Variants in TMTC1 observed in about 807,000 individuals in gnomAD.
TMTC1 encodes transmembrane O-mannosyltransferase targeting cadherins 1, also known as protein O-mannosyl-transferase TMTC1.
A neutral mutation model predicts 104.8 loss-of-function variants in TMTC1; 73 were observed. The observed-to-expected ratio is 0.70, with a 90% CI of 0.58 to 0.85. The LOEUF (loss-of-function observed/expected upper bound fraction) is 0.85. Among genes scored for constraint, TMTC1 ranks in the 40% least tolerant of loss-of-function variants. TMTC1 has a pLI of 0.00. For synonymous variants in TMTC1, 434 were observed against 428.7 expected (o/e 1.01, Z -0.15); for missense variants, 1,035 against 1,096.1 (o/e 0.94, Z 0.79).
At position 29,693,158 on chromosome 12, in the gene TMTC1, G is replaced by A. The variant is rs957461423; in HGVS notation, c.938+58508C>T. Among the ~76,000 whole-genome samples the A allele has an allele frequency of 3.5e-5, 5 of 144,358 alleles. 2 individuals are homozygous for A. The highest frequency in any genetic ancestry group is 7.6e-5 in the Non-Finnish European group (5 of 66,006). 94.7% of individuals were successfully genotyped at this position (144,358 alleles called of 152,430 possible). ...TTATAAATATTTATGAGGTACAGAG[G>A]GATATTTAAATACATACGATGTGTA... On this transcript the variant is annotated intron_variant, in intron 5 of 17. Coordinates refer to ENST00000539277, the MANE Select transcript of TMTC1 (RefSeq NM_001193451.2).
chr12:29,520,751 T>C (rs773455588), intron 11 of TMTC1, 31 bp from the exon 12 acceptor site: 10 of 1,559,408 alleles, frequency 6.4e-6, no homozygotes, highest in Non-Finnish European at 8.7e-6. Context: ...ACAAAATAAG[T>C]GAGAAAGCTT....
chr12:29,664,477 CCT>C (rs1158278030), intron 5 of TMTC1, among the ~76,000 whole-genome samples: 9 of 152,078 alleles, frequency 5.9e-5, no homozygotes, highest in Non-Finnish European at 1.3e-4. Context: ...TTCCTCTTCC[CCT>C]ACCCACACCA....
intron 5 of TMTC1, among the ~76,000 whole-genome samples, chr12:29,676,844 C>T (rs181832412): frequency 9.4e-4 from 143 of 152,302 alleles, no homozygotes; most frequent in African/African-American, 3.2e-3. Flanking sequence ...GAAGCCAGGC[C>T]ATATCAGTGT....
intron 5 of TMTC1, chr12:29,661,353 A>C: frequency 4.1e-6 from 4 of 980,732 alleles, no homozygotes; most frequent in Non-Finnish European, 4.8e-6. Context: ...TCTTCCATCC[A>C]CAAAATACCT....
intron 5 of TMTC1, among the ~76,000 whole-genome samples, chr12:29,733,052 A>G (rs910183370): frequency 7.2e-5 from 11 of 152,318 alleles, no homozygotes; most frequent in African/African-American, 2.6e-4. Context: ...AAAGACCTGG[A>G]TTCAAATAGT....
At chr12:29,752,383 A>G (rs1943113360) in intron 4 of TMTC1, among the ~76,000 whole-genome samples, 2 of 152,182 alleles carry the variant, frequency 1.3e-5, no homozygotes, top group South Asian at 4.1e-4. Flanking sequence ...TGATACTACC[A>G]AGGGATGATC....
intron 9 of TMTC1, among the ~76,000 whole-genome samples, chr12:29,569,228 A>G (rs538218337): frequency 6.6e-6 from 1 of 152,310 alleles, no homozygotes; most frequent in South Asian, 2.1e-4. Flanking sequence ...AAAATAAAAA[A>G]ATTTAAAAGA....
chr12:29,554,834 G>A (rs1794831006), intron 10 of TMTC1, among the ~76,000 whole-genome samples: 2 of 152,160 alleles, frequency 1.3e-5, no homozygotes, highest in African/African-American at 4.8e-5. Flanking sequence ...GAATGAGCAA[G>A]ACTCTGTCTC....
rs1246298852 is a variant in TMTC1, at chr12:29,716,947, G to A, written c.938+34719C>T. Among the ~76,000 whole-genome samples the A allele has an allele frequency of 2.6e-5, 4 of 152,106 alleles. No individual in the cohort carries two copies. In the East Asian group the frequency reaches 5.8e-4, roughly 22 times the overall value. On this transcript the variant is annotated intron_variant, in intron 5 of 17. Transcript: ENST00000539277. ...GGAGAATGGCGTGAACCTGGGAGGT[G>A]GAGCTTGCAGTGAGCCGAGATCGAG... is the stretch of plus-strand genomic sequence containing the variant.
intron 5 of TMTC1, among the ~76,000 whole-genome samples, chr12:29,700,657 C>G (rs1941562435): frequency 6.6e-6 from 1 of 152,050 alleles, no homozygotes; most frequent in Non-Finnish European, 1.5e-5. Flanking sequence ...AACATAGCAC[C>G]CTATTCATAG....
At chr12:29,780,316 A>C (rs542254271) in intron 1 of TMTC1, among the ~76,000 whole-genome samples, 4 of 152,270 alleles carry the variant, frequency 2.6e-5, no homozygotes, top group Non-Finnish European at 5.9e-5. Context: ...CTCAGCAATA[A>C]AAAGGAACAA....
intron 5 of TMTC1, among the ~76,000 whole-genome samples, chr12:29,690,526 G>A (rs59978597): frequency 0.017 from 2,539 of 152,270 alleles, 43 homozygotes; most frequent in African/African-American, 0.042. Context: ...AAACAATGTG[G>A]AGAATTTGCA....
intron 5 of TMTC1, among the ~76,000 whole-genome samples, chr12:29,723,458 C>T (rs1022178832): frequency 6.6e-6 from 1 of 152,182 alleles, no homozygotes; most frequent in South Asian, 2.1e-4. Flanking sequence ...CAGTGGCTCA[C>T]ACCTGTAATC....
chr12:29,609,587 T>G (rs940962776), intron 6 of TMTC1, among the ~76,000 whole-genome samples: 1 of 152,234 alleles, frequency 6.6e-6, no homozygotes, highest in Non-Finnish European at 1.5e-5. Context: ...CAAAAGCCCT[T>G]ATGTCTACTG....
intron 17 of TMTC1, among the ~76,000 whole-genome samples, chr12:29,511,709 A>ACTGAGCTT (rs1943841659): frequency 6.6e-6 from 1 of 152,214 alleles, no homozygotes; most frequent in African/African-American, 2.4e-5. Flanking sequence ...ATACTGAGCT[A>ACTGAGCTT]CTGAGCTTGA....
intron 4 of TMTC1, among the ~76,000 whole-genome samples, chr12:29,752,968 A>T (rs1487488330): frequency 6.6e-6 from 1 of 152,232 alleles, no homozygotes; most frequent in Non-Finnish European, 1.5e-5. Flanking sequence ...GATAATTTTC[A>T]GGAGCTGATT....
intron 5 of TMTC1, among the ~76,000 whole-genome samples, chr12:29,733,169 A>T (rs140717443): frequency 6.6e-6 from 1 of 152,340 alleles, no homozygotes; most frequent in Non-Finnish European, 1.5e-5. Context: ...TGCTTTAATC[A>T]TCATAACAAT....
In TMTC1 at chr12:29,556,809, T is replaced by A. The variant is rs749377537; in HGVS notation, c.1676+48A>T. Reference sequence around the variant, plus strand: ...AAATGAGTGTTGAGAAGGAAAGAGTTTCTTGGAATCGCAAGGCCACCTGAT... The same window carrying A: ...AAATGAGTGTTGAGAAGGAAAGAGTATCTTGGAATCGCAAGGCCACCTGAT... On this transcript the variant is annotated intron_variant, in intron 10 of 17. Coordinates refer to ENST00000539277, the MANE Select transcript of TMTC1 (RefSeq NM_001193451.2). The A allele has an allele frequency of 2.5e-6, 4 of 1,610,520 alleles. No homozygotes were observed. The African/African-American group carries it at 5.4e-5, about 22-fold the overall frequency.
At chr12:29,591,908 G>GAAAACAAAACAAAAC (rs61162219) in intron 7 of TMTC1, among the ~76,000 whole-genome samples, 4,148 of 150,416 alleles carry the variant, frequency 0.028, 137 homozygotes, top group African/African-American at 0.067. Flanking sequence ...GCTTTTAAGT[G>GAAAACAAAACAAAAC]AAAACAAAAC....
Sources: allele counts gnomAD v4.1 joint callset (sites outside exome capture counted in the v4.1 genomes callset), GRCh38; gene constraint gnomAD v4.1.1; transcripts MANE v1.5; gene names NCBI Gene and HGNC (gene_info 2026-07-23, HGNC 2026-07-21).